The following PLA2G4A variants were observed in gnomAD, a reference collection of about 807,000 sequenced individuals.
The protein encoded by PLA2G4A is cytosolic phospholipase A2.
PLA2G4A carries 40 observed loss-of-function variants against 81.9 expected under a neutral mutation model. The observed-to-expected ratio is 0.49, with a 90% CI of 0.38 to 0.64. The LOEUF is 0.64. Among genes scored for constraint, PLA2G4A ranks in the 30% least tolerant of loss-of-function variants. The probability of loss-of-function intolerance (pLI) is 0.00; values close to 1 mark genes in which losing one functional copy is unlikely to be tolerated. For missense variants in PLA2G4A, 715 were observed against 905.1 expected, an observed-to-expected ratio of 0.79 and a Z score of 2.69; for synonymous variants, 302 against 296.9, an observed-to-expected ratio of 1.02 and a Z score of -0.18.
Position 186,882,546 on chromosome 1 carries a change from A to G in PLA2G4A, c.116-10465A>G, listed in dbSNP as rs556347277. 6.6e-5 allele frequency among the ~76,000 whole-genome samples: 10 copies of G among 152,200 alleles called. No individual in the cohort carries two copies. In the South Asian group the frequency reaches 1.9e-3, roughly 28 times the overall value. ...GATTCCAAAGATGCCTCTTTGCCGTAGAGTGATATTCCAGTGAATGGCTGA... is the reference window on the plus strand; with the variant it reads ...GATTCCAAAGATGCCTCTTTGCCGTGGAGTGATATTCCAGTGAATGGCTGA... On this transcript the variant is annotated intron_variant, in intron 3 of 17. Transcript: ENST00000367466.
At position 186,949,577 on chromosome 1, in the gene PLA2G4A, C is replaced by T. The variant is rs368457289; in HGVS notation, c.1265-1080C>T. Among the ~76,000 whole-genome samples, 20 of 152,174 alleles carry T rather than the reference C, an allele frequency of 1.3e-4. No individual in the cohort carries two copies. The East Asian group carries it at 3.5e-3, about 26-fold the overall frequency. ...TATTGATGATAGCCATGAAATGAAA[C>T]TAATAATATTAGCTTGTGAACATTT... On this transcript the variant is annotated intron_variant, in intron 12 of 17. Coordinates refer to ENST00000367466, the MANE Select transcript of PLA2G4A (RefSeq NM_024420.3).
intron 3 of PLA2G4A, among the ~76,000 whole-genome samples, chr1:186,878,209 G>A (rs10752981): frequency 0.27 from 7,957 of 29,578 alleles, 786 homozygotes; most frequent in Middle Eastern, 0.32. Flanking sequence ...ATATAAATAT[G>A]TCTTTTCTGA....
intron 7 of PLA2G4A, among the ~76,000 whole-genome samples, chr1:186,920,076 A>G (rs1238958345): frequency 6.6e-6 from 1 of 152,088 alleles, no homozygotes; most frequent in Non-Finnish European, 1.5e-5. Context: ...GAGGATTATC[A>G]TTTGCCCATA....
intron 3 of PLA2G4A, among the ~76,000 whole-genome samples, chr1:186,874,323 A>G (rs1351887213): frequency 6.6e-6 from 1 of 152,050 alleles, no homozygotes. Flanking sequence ...TTTATAACCA[A>G]ATGAAATAGC....
At chr1:186,844,414 G>A (rs1302727200) in intron 1 of PLA2G4A, among the ~76,000 whole-genome samples, 3 of 152,326 alleles carry the variant, frequency 2.0e-5, no homozygotes, top group Non-Finnish European at 2.9e-5. Context: ...TGGAAACATA[G>A]TAATATAATG....
intron 7 of PLA2G4A, among the ~76,000 whole-genome samples, chr1:186,921,225 G>A (rs1334473024): frequency 6.6e-6 from 1 of 152,120 alleles, no homozygotes; most frequent in African/African-American, 2.4e-5. Context: ...ATTCTTGGGG[G>A]TTTTGGTAAT....
At chr1:186,906,080 T>G (rs1416082836) in intron 5 of PLA2G4A, among the ~76,000 whole-genome samples, 1 of 152,216 alleles carries the variant, frequency 6.6e-6, no homozygotes, top group African/African-American at 2.4e-5. Context: ...TTGAACAAGT[T>G]AGCTCTATCT....
intron 1 of PLA2G4A, among the ~76,000 whole-genome samples, chr1:186,842,095 G>A (rs1377846954): frequency 1.3e-5 from 2 of 150,356 alleles, no homozygotes; most frequent in East Asian, 3.9e-4. Context: ...CAAGCTGAAG[G>A]GCAGTGGCGT....
intron 1 of PLA2G4A, among the ~76,000 whole-genome samples, chr1:186,838,370 A>G (rs1156866092): frequency 6.6e-6 from 1 of 152,232 alleles, no homozygotes; most frequent in African/African-American, 2.4e-5. Context: ...AACAAAATAA[A>G]AAACAACCCA....
intron 14 of PLA2G4A, among the ~76,000 whole-genome samples, chr1:186,959,464 C>A (rs1228565885): frequency 6.6e-6 from 1 of 152,058 alleles, no homozygotes; most frequent in Non-Finnish European, 1.5e-5. Context: ...CATTTTATTT[C>A]ATTGTGTGTA....
At chr1:186,912,817 T>C (rs1446499715) in intron 7 of PLA2G4A, among the ~76,000 whole-genome samples, 1 of 145,566 alleles carries the variant, frequency 6.9e-6, no homozygotes. Context: ...TATACATATA[T>C]ATGTATCTAA....
At chr1:186,848,122 C>A (rs1306158872) in intron 1 of PLA2G4A, among the ~76,000 whole-genome samples, 4 of 152,006 alleles carry the variant, frequency 2.6e-5, no homozygotes, top group African/African-American at 4.8e-5. Context: ...AAAACACAAG[C>A]CCCCAGCTGG....
chr1:186,962,904 G>A (rs1239557738), intron 14 of PLA2G4A, among the ~76,000 whole-genome samples: 2 of 152,138 alleles, frequency 1.3e-5, no homozygotes, highest in South Asian at 2.1e-4. Flanking sequence ...GTGTCACACC[G>A]TGCTTAGGGC....
intron 1 of PLA2G4A, among the ~76,000 whole-genome samples, chr1:186,852,189 G>T (rs555928607): frequency 6.6e-6 from 1 of 151,926 alleles, no homozygotes. Flanking sequence ...TGCCTTCATA[G>T]AATTTATATT....
At chr1:186,946,844 A>G in intron 11 of PLA2G4A, 25 bp from the exon 12 acceptor site, 1 of 1,598,798 alleles carries the variant, frequency 6.3e-7, no homozygotes, top group Non-Finnish European at 8.6e-7. Flanking sequence ...ATTTTAAGTT[A>G]TTTTCTGTTT....
chr1:186,918,715 G>C (rs1369406385), intron 7 of PLA2G4A, among the ~76,000 whole-genome samples: 5 of 152,238 alleles, frequency 3.3e-5, no homozygotes, highest in Non-Finnish European at 7.3e-5. Flanking sequence ...CGGGCTCTCT[G>C]ATACTGGGAG....
chr1:186,953,902 G>T (rs1288082298), intron 13 of PLA2G4A, among the ~76,000 whole-genome samples: 1 of 152,188 alleles, frequency 6.6e-6, no homozygotes, highest in Non-Finnish European at 1.5e-5. Flanking sequence ...TATATGCTGT[G>T]TAACTAGAGA....
chr1:186,842,835 T>A (rs565742210), intron 1 of PLA2G4A, among the ~76,000 whole-genome samples: 31 of 152,340 alleles, frequency 2.0e-4, no homozygotes, highest in African/African-American at 7.5e-4. Flanking sequence ...CTGTGATACT[T>A]TGTTATGGCA....
At chr1:186,898,487 A>G (rs1040522011) in intron 5 of PLA2G4A, among the ~76,000 whole-genome samples, 19 of 152,306 alleles carry the variant, frequency 1.2e-4, no homozygotes, top group African/African-American at 4.3e-4. Context: ...TCTAATAGGG[A>G]AAGTAAACAG....
Sources: gnomAD v4.1 joint callset for allele counts (sites outside exome capture counted in the v4.1 genomes callset) on GRCh38, gnomAD v4.1.1 for gene constraint, MANE v1.5 for transcripts, NCBI Gene and HGNC (gene_info 2026-07-23, HGNC 2026-07-21) for gene names.